Variants in NRXN1 observed in about 807,000 individuals in gnomAD.
The protein encoded by NRXN1 is neurexin-1.
A neutral mutation model predicts 150.9 loss-of-function variants in NRXN1; 39 were observed. The ratio of observed to expected loss-of-function variants is 0.26; its 90% CI spans 0.20 to 0.34. The LOEUF (loss-of-function observed/expected upper bound fraction) is 0.34. Among genes scored for constraint, NRXN1 ranks in the 10% least tolerant of loss-of-function variants. The pLI, the probability that NRXN1 is intolerant of heterozygous loss-of-function variation, is 1.00. For missense variants in NRXN1, 1,815 were observed against 1,949.9 expected (o/e 0.93, Z 1.30); for synonymous variants, 924 against 757.0 (o/e 1.22, Z -3.62).
intron 17 of NRXN1, among the ~76,000 whole-genome samples, chr2:50,305,839 A>C (rs1490310857): frequency 2.0e-5 from 3 of 152,198 alleles, no homozygotes; most frequent in African/African-American, 4.8e-5. Flanking sequence ...AGAAGGTAAA[A>C]AGCTATCCCT....
intron 5 of NRXN1, among the ~76,000 whole-genome samples, chr2:50,663,895 A>G (rs1278587811): frequency 6.6e-6 from 1 of 152,018 alleles, no homozygotes; most frequent in African/African-American, 2.4e-5. Flanking sequence ...TTGGCTGAAA[A>G]TACCTAGAAC....
At chr2:50,132,384 C>T (rs1705651881) in intron 18 of NRXN1, among the ~76,000 whole-genome samples, 1 of 150,898 alleles carries the variant, frequency 6.6e-6, no homozygotes, top group African/African-American at 2.4e-5. Context: ...TGGCTCACTG[C>T]AACCTCCGCC....
At chr2:50,261,014 C>T (rs1461625103) in intron 17 of NRXN1, among the ~76,000 whole-genome samples, 1 of 151,616 alleles carries the variant, frequency 6.6e-6, no homozygotes, top group Admixed American at 6.6e-5. Flanking sequence ...GAAAAAAAAT[C>T]CCTCAAAAAG....
chr2:50,320,171 C>A (rs891429801), intron 17 of NRXN1, among the ~76,000 whole-genome samples: 3 of 151,134 alleles, frequency 2.0e-5, no homozygotes, highest in African/African-American at 7.3e-5. Flanking sequence ...AAGTGCCTAA[C>A]AATTCTAATG....
chr2:51,031,161 A>C (rs905998072), intron 1 of NRXN1, among the ~76,000 whole-genome samples: 3 of 152,120 alleles, frequency 2.0e-5, no homozygotes, highest in Non-Finnish European at 2.9e-5. Context: ...TATGGAGAAA[A>C]GAGGATTCTC....
chr2:50,627,892 A>G (rs889414523), intron 5 of NRXN1, among the ~76,000 whole-genome samples: 1 of 151,828 alleles, frequency 6.6e-6, no homozygotes, highest in Non-Finnish European at 1.5e-5. Flanking sequence ...TGTGTCAGAC[A>G]GAAGTGATAT....
intron 12 of NRXN1, among the ~76,000 whole-genome samples, chr2:50,518,219 C>T (rs2092684092): frequency 6.6e-6 from 1 of 151,954 alleles, no homozygotes; most frequent in Admixed American, 6.6e-5. Context: ...AAAAAATGTT[C>T]TAAAACTAGC....
intron 17 of NRXN1, among the ~76,000 whole-genome samples, chr2:50,237,671 C>T (rs541768279): frequency 7.9e-5 from 12 of 151,992 alleles, no homozygotes; most frequent in African/African-American, 2.4e-4. Context: ...AATAATGTCA[C>T]GGACTCATTC....
At chr2:50,433,231 T>C (rs2085128599) in intron 17 of NRXN1, among the ~76,000 whole-genome samples, 1 of 152,236 alleles carries the variant, frequency 6.6e-6, no homozygotes, top group Non-Finnish European at 1.5e-5. Flanking sequence ...TCTAGACTTC[T>C]CATTAAGAAG....
intron 5 of NRXN1, among the ~76,000 whole-genome samples, chr2:50,631,998 G>T (rs952967264): frequency 6.6e-6 from 1 of 151,822 alleles, no homozygotes. Flanking sequence ...GAAAATTTCT[G>T]GGTGCCAATT....
intron 8 of NRXN1, among the ~76,000 whole-genome samples, chr2:50,599,399 A>C (rs895460275): frequency 1.3e-5 from 2 of 152,192 alleles, no homozygotes; most frequent in African/African-American, 4.8e-5. Context: ...AAATATGTTT[A>C]CCTGTTGAAA....
Position 50,236,577 on chromosome 2 carries a change from CAA to C in NRXN1, c.3546+210_3546+211del, listed in dbSNP as rs35377914. Among the ~76,000 whole-genome samples, 940 of 118,890 alleles carry C rather than the reference CAA, an allele frequency of 7.9e-3. 5 individuals carry two copies. The highest frequency in any genetic ancestry group is 0.021 in the African/African-American group (708 of 33,500). 78.0% of individuals were successfully genotyped at this position (118,890 alleles called of 152,430 possible). On this transcript the variant is annotated intron_variant, in intron 18 of 22. Coordinates refer to ENST00000401669, the MANE Select transcript of NRXN1 (RefSeq NM_001330078.2). ...ACAGAATTAAGAGGAATTCACACTC[CAA>C]AAAAAAAAAAAAAAAGTTTGCATTG...
chr2:50,472,526 A>C (rs1448703809), intron 15 of NRXN1, 55 bp from the exon 16 acceptor site: 10 of 1,441,162 alleles, frequency 6.9e-6, no homozygotes, highest in Non-Finnish European at 8.7e-6. Context: ...GACTTTAAAC[A>C]CACAGTAGGA....
intron 8 of NRXN1, among the ~76,000 whole-genome samples, chr2:50,581,813 A>C (rs1672306338): frequency 6.6e-6 from 1 of 152,118 alleles, no homozygotes; most frequent in Non-Finnish European, 1.5e-5. Flanking sequence ...AGCTCAAATA[A>C]AGTAACTGAT....
At chr2:51,013,173 G>A (rs546993023) in intron 2 of NRXN1, among the ~76,000 whole-genome samples, 4 of 151,974 alleles carry the variant, frequency 2.6e-5, no homozygotes, top group African/African-American at 7.2e-5. Flanking sequence ...TACAGGCAGC[G>A]GCTGTAACTC....
At chr2:50,729,921 G>A (rs1391134647) in intron 5 of NRXN1, among the ~76,000 whole-genome samples, 1 of 152,180 alleles carries the variant, frequency 6.6e-6, no homozygotes, top group Non-Finnish European at 1.5e-5. Flanking sequence ...TGACAGAGAT[G>A]CCTAAGTTCA....
intron 21 of NRXN1, among the ~76,000 whole-genome samples, chr2:49,958,621 G>C (rs191179566): frequency 6.6e-6 from 1 of 152,178 alleles, no homozygotes; most frequent in African/African-American, 2.4e-5. Flanking sequence ...ATCATCATGC[G>C]AACTTACACA....
chr2:50,687,174 T>C (rs1172602510), intron 5 of NRXN1, among the ~76,000 whole-genome samples: 1 of 152,162 alleles, frequency 6.6e-6, no homozygotes, highest in Non-Finnish European at 1.5e-5. Flanking sequence ...CAGTAGGGTA[T>C]TTAAAGATGG....
intron 17 of NRXN1, among the ~76,000 whole-genome samples, chr2:50,373,294 T>TTATTA (rs1553512407): frequency 0.12 from 16,184 of 140,240 alleles, 1,176 homozygotes; most frequent in African/African-American, 0.18. Context: ...TATTTTATTT[T>TTATTA]TTATTATTAT....
Sources: allele counts gnomAD v4.1 joint callset (sites outside exome capture counted in the v4.1 genomes callset), GRCh38; gene constraint gnomAD v4.1.1; transcripts MANE v1.5; gene names NCBI Gene and HGNC (gene_info 2026-07-23, HGNC 2026-07-21).